The following VRK2 variants were observed in gnomAD, a reference collection of about 807,000 sequenced individuals.
VRK2 encodes the protein VRK serine/threonine kinase 2.
A neutral mutation model predicts 57.6 loss-of-function variants in VRK2; 60 were observed. The ratio of observed to expected loss-of-function variants is 1.04; its 90% CI spans 0.85 to 1.29. The LOEUF (loss-of-function observed/expected upper bound fraction) is 1.29. Ranked by LOEUF, VRK2 falls within the 50% of genes most tolerant of loss-of-function variation. The probability of loss-of-function intolerance (pLI) is 0.00; values close to 1 mark genes in which losing one functional copy is unlikely to be tolerated. For synonymous variants in VRK2, 231 were observed against 199.2 expected (o/e 1.16, Z -1.35); for missense variants, 705 against 588.1 (o/e 1.20, Z -2.06).
intron 2 of VRK2, among the ~76,000 whole-genome samples, chr2:58,033,066 ACACT>A (rs966145619): frequency 6.6e-6 from 1 of 152,116 alleles, no homozygotes; most frequent in African/African-American, 2.4e-5. Flanking sequence ...GGGGACACAG[ACACT>A]CAGTCTATAG....
chr2:58,116,340 TATAGTCCGGGA>T (rs1255345161), intron 7 of VRK2, among the ~76,000 whole-genome samples: 1 of 149,580 alleles, frequency 6.7e-6, no homozygotes, highest in Admixed American at 6.6e-5. Context: ...GAGATGCGGC[TATAGTCCGGGA>T]ATAGTCAGGG....
chr2:58,047,434 T>G, intron 1 of VRK2: 1 of 985,392 alleles, frequency 1.0e-6, no homozygotes, highest in Non-Finnish European at 1.2e-6. Context: ...GGCTGTCGTT[T>G]CCCTTGGCAG....
intron 2 of VRK2, among the ~76,000 whole-genome samples, chr2:58,054,142 A>C (rs1380881666): frequency 2.6e-5 from 4 of 152,028 alleles, no homozygotes; most frequent in Non-Finnish European, 5.9e-5. Context: ...GTGTTTAAGA[A>C]AGTTTGGGTT....
intron 2 of VRK2, among the ~76,000 whole-genome samples, chr2:58,070,451 T>C (rs559069418): frequency 6.6e-6 from 1 of 152,322 alleles, no homozygotes; most frequent in South Asian, 2.1e-4. Context: ...AATTGCCTTG[T>C]GCTACACCTG....
intron 1 of VRK2, among the ~76,000 whole-genome samples, chr2:57,914,269 A>G (rs1303640024): frequency 1.4e-5 from 2 of 147,692 alleles, no homozygotes; most frequent in African/African-American, 5.0e-5. Flanking sequence ...TTTTTTACTT[A>G]GGTTCCTTAT....
intron 1 of VRK2, among the ~76,000 whole-genome samples, chr2:57,970,296 TC>T (rs1450874242): frequency 6.6e-6 from 1 of 151,030 alleles, no homozygotes; most frequent in Non-Finnish European, 1.5e-5. Flanking sequence ...GTCAGAATTT[TC>T]TGAAATGGAC....
intron 2 of VRK2, among the ~76,000 whole-genome samples, chr2:58,049,455 G>T (rs1304027899): frequency 6.6e-6 from 1 of 152,074 alleles, no homozygotes; most frequent in Non-Finnish European, 1.5e-5. Context: ...CATCTAGAGT[G>T]GTCCCTAGGG....
chr2:57,991,686 C>T, intron 1 of VRK2, among the ~76,000 whole-genome samples: 1 of 151,784 alleles, frequency 6.6e-6, no homozygotes, highest in East Asian at 1.9e-4. Flanking sequence ...TGGTAGCTCA[C>T]GCCTGTAATC....
At chr2:58,013,400 C>A (rs1198928880) in intron 1 of VRK2, among the ~76,000 whole-genome samples, 1 of 152,216 alleles carries the variant, frequency 6.6e-6, no homozygotes, top group African/African-American at 2.4e-5. Context: ...TTTACACATT[C>A]TGACTGCTAA....
intron 1 of VRK2, among the ~76,000 whole-genome samples, chr2:57,937,590 T>C (rs1670955005): frequency 2.0e-5 from 3 of 152,214 alleles, no homozygotes; most frequent in Admixed American, 2.0e-4. Flanking sequence ...AGCATTGCTA[T>C]TTAGAAAGCC....
chr2:58,103,666 G>A (rs1674340560), intron 7 of VRK2, among the ~76,000 whole-genome samples: 1 of 151,554 alleles, frequency 6.6e-6, no homozygotes, highest in Non-Finnish European at 1.5e-5. Context: ...TCTACCAAAA[G>A]TACAAAGAAG....
chr2:58,096,212 C>T (rs983711693), intron 7 of VRK2, among the ~76,000 whole-genome samples: 4 of 152,006 alleles, frequency 2.6e-5, no homozygotes, highest in South Asian at 4.2e-4. Flanking sequence ...TATTGATATT[C>T]GTAAGTGATA....
At chr2:57,933,038 T>G (rs1274565120) in intron 1 of VRK2, among the ~76,000 whole-genome samples, 1 of 152,122 alleles carries the variant, frequency 6.6e-6, no homozygotes, top group Non-Finnish European at 1.5e-5. Flanking sequence ...GAAAAGATCC[T>G]TGATATGGTT....
chr2:58,048,112 T>C (rs181627804), intron 1 of VRK2, among the ~76,000 whole-genome samples: 55 of 152,368 alleles, frequency 3.6e-4, no homozygotes, highest in Admixed American at 3.1e-3. Context: ...TTATAATTAG[T>C]TGATTAAAGT....
In VRK2 at chr2:57,968,098, C is replaced by G. The variant is rs143644429; in HGVS notation, c.-438-57567C>G. ...AAAAATATTATAGGAAGCAATTGCCCCAAAATAAAACTGCGGTAGCTAAAT... is the reference window on the plus strand; with the variant it reads ...AAAAATATTATAGGAAGCAATTGCCGCAAAATAAAACTGCGGTAGCTAAAT... On this transcript the variant is annotated intron_variant, in intron 1 of 15. Coordinates refer to the VRK2 transcript ENST00000417641. Among the ~76,000 whole-genome samples the G allele has an allele frequency of 2.4e-3, 357 of 151,574 alleles. 9 individuals carry two copies. The East Asian group carries it at 0.063, about 27-fold the overall frequency.
At chr2:58,046,929 C>G (rs1192005298) in intron 1 of VRK2, 61 bp downstream of exon 1, 5 of 985,426 alleles carry the variant, frequency 5.1e-6, no homozygotes, top group African/African-American at 3.5e-5. Flanking sequence ...AGTGCCGGAG[C>G]CGCGGCCCCG....
intron 2 of VRK2, among the ~76,000 whole-genome samples, chr2:58,080,039 A>T (rs551425414): frequency 6.6e-6 from 1 of 152,128 alleles, no homozygotes; most frequent in Non-Finnish European, 1.5e-5. Context: ...TATTTAATAC[A>T]TGCCTGAGGC....
chr2:58,027,300 T>C (rs1183224802), intron 2 of VRK2, among the ~76,000 whole-genome samples: 1 of 152,002 alleles, frequency 6.6e-6, no homozygotes, highest in Non-Finnish European at 1.5e-5. Flanking sequence ...CATCCAACCC[T>C]ATGGTCATAT....
intron 12 of VRK2, among the ~76,000 whole-genome samples, chr2:58,147,764 T>C (rs1682377156): frequency 6.6e-6 from 1 of 151,544 alleles, no homozygotes; most frequent in East Asian, 1.9e-4. Context: ...AGTCATATAG[T>C]ATGCATTCAT....
Sources: allele counts gnomAD v4.1 joint callset (sites outside exome capture counted in the v4.1 genomes callset), GRCh38; gene constraint gnomAD v4.1.1; transcripts MANE v1.5; gene names NCBI Gene and HGNC (gene_info 2026-07-23, HGNC 2026-07-21).